The following KCNJ8 variants were observed in gnomAD, a reference collection of about 807,000 sequenced individuals.
KCNJ8 encodes potassium inwardly rectifying channel subfamily J member 8, also known as ATP-sensitive inward rectifier potassium channel 8.
In KCNJ8, 13 loss-of-function variants were observed where a neutral mutation model predicts 28.2. The ratio of observed to expected loss-of-function variants is 0.46; its 90% CI spans 0.30 to 0.73. The LOEUF (loss-of-function observed/expected upper bound fraction) is 0.73. Ranked by LOEUF, KCNJ8 falls within the 30% of genes least tolerant of loss-of-function variation. The pLI, the probability that KCNJ8 is intolerant of heterozygous loss-of-function variation, is 0.07. For missense variants in KCNJ8, 284 were observed against 542.6 expected, an observed-to-expected ratio of 0.52 and a Z score of 4.73; for synonymous variants, 188 against 195.9, an observed-to-expected ratio of 0.96 and a Z score of 0.34.
At chr12:21,771,411 C>T (rs536489238) in intron 2 of KCNJ8, among the ~76,000 whole-genome samples, 5 of 152,088 alleles carry the variant, frequency 3.3e-5, no homozygotes, top group Middle Eastern at 3.4e-3. Flanking sequence ...TGGATAATAT[C>T]GAGAAAGAGG....
rs1280389958 is a variant in KCNJ8, at chr12:21,766,791, GTC to G, written c.375-170_375-169del. The G allele has an allele frequency of 1.6e-4, 105 of 649,008 alleles. No homozygotes were observed. Among genetic ancestry groups the G allele is most frequent in the Middle Eastern group, 4.0e-4 (1 of 2,486 alleles). The allele number at this position is 649,008 out of a possible 1,614,324, so 40.2% of individuals were successfully genotyped here. ...CTAATTCTAAACTGTGTTTAGAACAGTCTCTCTCTCTCTTGCATGCATCTACC... is the reference window on the plus strand; with the variant it reads ...CTAATTCTAAACTGTGTTTAGAACAGTCTCTCTCTCTTGCATGCATCTACC... On this transcript the variant is annotated intron_variant, in intron 2 of 2. Coordinates refer to ENST00000240662, the MANE Select transcript of KCNJ8 (RefSeq NM_004982.4). This position sits in a 1 kb window ranked among gnomAD's most constrained non-coding sequence, Gnocchi z 6.5.
intron 2 of KCNJ8, among the ~76,000 whole-genome samples, chr12:21,767,273 T>C (rs1024586839): frequency 6.6e-6 from 1 of 151,886 alleles, no homozygotes; most frequent in East Asian, 1.9e-4. Flanking sequence ...AAGTGTCTTA[T>C]TGATGATCTA....
Position 21,773,252 on chromosome 12 carries a change from G to A in KCNJ8, c.365C>T (p.Thr122Ile). The A allele has an allele frequency of 1.9e-6, 3 of 1,613,302 alleles. No individual in the cohort carries two copies. The highest frequency in any genetic ancestry group is 2.5e-6 in the Non-Finnish European group (3 of 1,180,002). Residue 122 changes from threonine (T) to isoleucine (I), a missense_variant, in exon 2 of 3, where the codon ACT (threonine) becomes ATT (isoleucine). Thr to Ile is a moderately conservative substitution (Grantham distance 89). This residue lies in a region of KCNJ8 where 42 missense variants were observed against 50.9 expected (regional missense o/e 0.83). Transcript: ENST00000240662. The surrounding 1 kb of genome is among the most constrained non-coding windows in gnomAD (Gnocchi z 4.6). ...KSGLESTVCV[T>I]NVRSFTSAFL... ...CCCACTACATTCTTACCTGACATTA[G>A]TCACACACACAGTGGACTCCAAACC... is the stretch of plus-strand genomic sequence containing the variant.
chr12:21,771,296 A>G (rs1212762786), intron 2 of KCNJ8, among the ~76,000 whole-genome samples: 1 of 152,242 alleles, frequency 6.6e-6, no homozygotes, highest in Admixed American at 6.5e-5. Context: ...TAAATATTAC[A>G]TATGGTACAA....
chr12:21,770,200 A>G (rs1940726281), intron 2 of KCNJ8, among the ~76,000 whole-genome samples: 1 of 152,190 alleles, frequency 6.6e-6, no homozygotes, highest in Non-Finnish European at 1.5e-5. Flanking sequence ...AGCAGCCATC[A>G]ATATCAAGGC....
At chr12:21,772,924 C>T (rs997713690) in intron 2 of KCNJ8, among the ~76,000 whole-genome samples, 1 of 152,116 alleles carries the variant, frequency 6.6e-6, no homozygotes, top group Non-Finnish European at 1.5e-5. Context: ...ATACTGAACT[C>T]AATGTGTGCG....
intron 2 of KCNJ8, among the ~76,000 whole-genome samples, chr12:21,770,343 G>A (rs985337576): frequency 1.3e-5 from 2 of 152,066 alleles, no homozygotes; most frequent in African/African-American, 4.8e-5. Context: ...ACACTTACTA[G>A]ATTACAATAT....
Position 21,770,504 on chromosome 12 carries a change from C to T in KCNJ8, c.374+2739G>A, listed in dbSNP as rs74821255. Among the ~76,000 whole-genome samples the T allele has an allele frequency of 8.6e-3, 1,304 of 152,238 alleles. 19 individuals are homozygous for T. Among genetic ancestry groups the T allele is most frequent in the African/African-American group, 0.03 (1,246 of 41,496 alleles). ...TATTATACTAACTTGAATTTTCTCACTTTGGCCTAATCCTGTGAAAGAAGC... is the reference window on the plus strand; with the variant it reads ...TATTATACTAACTTGAATTTTCTCATTTTGGCCTAATCCTGTGAAAGAAGC... On this transcript the variant is annotated intron_variant, in intron 2 of 2. Coordinates refer to ENST00000240662, the MANE Select transcript of KCNJ8 (RefSeq NM_004982.4).
At chr12:21,770,529 C>T (rs1421796631) in intron 2 of KCNJ8, among the ~76,000 whole-genome samples, 2 of 151,498 alleles carry the variant, frequency 1.3e-5, no homozygotes, top group Non-Finnish European at 2.9e-5. Context: ...GTGAAAGAAG[C>T]AGAGGGAAGG....
chr12:21,765,795 G>A lies in KCNJ8; in HGVS notation c.1203C>T (p.Asn401=), dbSNP rs1565658638. ...CCTTTGGTACCATGAGGGAAGAATT[G>A]TTCCTTCGGATAGAATTGTTCCTCC... The part of the protein sequence containing the change: ...SMRRNNSIRR[N]NSSLMVPKVQ... Residue 401 remains asparagine, a synonymous_variant, in exon 3 of 3, where the codon AAC becomes AAT. Coordinates refer to ENST00000240662, the MANE Select transcript of KCNJ8 (RefSeq NM_004982.4). 3 of 1,613,992 alleles carry A rather than the reference G, an allele frequency of 1.9e-6. No individual in the cohort carries two copies. Among genetic ancestry groups the A allele is most frequent in the Non-Finnish European group, 2.5e-6 (3 of 1,179,836 alleles).
At chr12:21,768,514 G>A (rs1379197339) in intron 2 of KCNJ8, among the ~76,000 whole-genome samples, 1 of 152,186 alleles carries the variant, frequency 6.6e-6, no homozygotes, top group Non-Finnish European at 1.5e-5. Context: ...AAGTGTTCGA[G>A]TAAAGGAAAT....
intron 1 of KCNJ8, among the ~76,000 whole-genome samples, chr12:21,774,330 C>CTTTT (rs113701092): frequency 7.9e-6 from 1 of 126,934 alleles, no homozygotes; most frequent in Non-Finnish European, 1.7e-5. Flanking sequence ...AAATTGAAAA[C>CTTTT]TTTTTTTTTT....
intron 2 of KCNJ8, among the ~76,000 whole-genome samples, chr12:21,772,325 T>C (rs1940778831): frequency 6.6e-6 from 1 of 152,200 alleles, no homozygotes; most frequent in Admixed American, 6.5e-5. Context: ...TTACTACTCT[T>C]TTGCTTCACA....
chr12:21,765,390 C>G lies in KCNJ8; in HGVS notation c.*333G>C, dbSNP rs1940594150. 2.6e-6 allele frequency: 1 copy of G among 381,134 alleles called. No individual in the cohort carries two copies. Among genetic ancestry groups the G allele is most frequent in the Admixed American group, 4.0e-5 (1 of 25,052 alleles). 23.6% of individuals were successfully genotyped at this position (381,134 alleles called of 1,614,324 possible). On this transcript the variant is annotated 3_prime_UTR_variant, in exon 3 of 3. Coordinates refer to ENST00000240662, the MANE Select transcript of KCNJ8 (RefSeq NM_004982.4). ...ACCAACTAAGCATTTCAAACAGACT[C>G]ATTTCTTGACCAAATTTTGTGCTCA...
chr12:21,773,645 C>T lies in KCNJ8; in HGVS notation c.-29G>A. 6.2e-7 allele frequency: 1 copy of T among 1,609,032 alleles called. No individual in the cohort carries two copies. Among genetic ancestry groups the T allele is most frequent in the Non-Finnish European group, 8.5e-7 (1 of 1,179,970 alleles). On this transcript the variant is annotated 5_prime_UTR_variant, in exon 2 of 3. It adds an upstream start codon to the 5' untranslated region. Transcript: ENST00000240662. This position sits in a 1 kb window ranked among gnomAD's most constrained non-coding sequence, Gnocchi z 4.6. ...CCTGTCACCATAGCCAGCTTAGCCA[C>T]CTCCCTCTCACCTGCCTCTCCGTCC...
At chr12:21,770,684 C>T (rs1940736438) in intron 2 of KCNJ8, among the ~76,000 whole-genome samples, 1 of 152,222 alleles carries the variant, frequency 6.6e-6, no homozygotes, top group South Asian at 2.1e-4. Context: ...TTCTGATTTA[C>T]TCCCATATGG....
At chr12:21,769,409 A>G (rs1565660452) in intron 2 of KCNJ8, among the ~76,000 whole-genome samples, 1 of 152,220 alleles carries the variant, frequency 6.6e-6, no homozygotes, top group Non-Finnish European at 1.5e-5. Context: ...TAGTCACTCA[A>G]GTGCTCTGAT....
chr12:21,768,268 G>T (rs889708020), intron 2 of KCNJ8, among the ~76,000 whole-genome samples: 1 of 152,120 alleles, frequency 6.6e-6, no homozygotes, highest in African/African-American at 2.4e-5. Context: ...TATGTGGCCT[G>T]GTTTCTAACA....
rs1454049996 is a variant in KCNJ8, at chr12:21,766,929, T to C, written c.375-306A>G. Among the ~76,000 whole-genome samples the C allele has an allele frequency of 6.6e-6, 1 of 152,204 alleles. No individual in the cohort carries two copies. The highest frequency in any genetic ancestry group is 2.4e-5 in the African/African-American group (1 of 41,458). The stretch of plus-strand genomic sequence containing the variant: ...AGGTCACATAGTGATGGGCCTAATT[T>C]GTGTAAAAGATTAATATATTTTCAT... On this transcript the variant is annotated intron_variant, in intron 2 of 2. Transcript: ENST00000240662. This position sits in a 1 kb window ranked among gnomAD's most constrained non-coding sequence, Gnocchi z 6.5.
Sources: allele counts gnomAD v4.1 joint callset (sites outside exome capture counted in the v4.1 genomes callset), GRCh38; gene constraint gnomAD v4.1.1; regional missense constraint gnomAD v4.1.1; non-coding constraint Gnocchi (gnomAD v3.1); transcripts MANE v1.5; gene names NCBI Gene and HGNC (gene_info 2026-07-23, HGNC 2026-07-21).